The following WASHC3 variants were observed in gnomAD, a reference collection of about 807,000 sequenced individuals.
WASHC3 encodes WASH complex subunit 3.
Under a neutral mutation model 26.1 loss-of-function variants are expected in WASHC3, and 24 were observed. The observed-to-expected ratio is 0.92, with a 90% CI of 0.66 to 1.29. The LOEUF (loss-of-function observed/expected upper bound fraction) is 1.29. Among genes scored for constraint, WASHC3 ranks in the 50% most tolerant of loss-of-function variants. The probability of loss-of-function intolerance (pLI) is 0.00; values close to 1 mark genes in which losing one functional copy is unlikely to be tolerated. For synonymous variants in WASHC3, 77 were observed against 75.7 expected, an observed-to-expected ratio of 1.02 and a Z score of -0.09; for missense variants, 214 against 229.6, an observed-to-expected ratio of 0.93 and a Z score of 0.44.
chr12:102,029,394 C>A (rs2121363517), intron 5 of WASHC3, among the ~76,000 whole-genome samples: 1 of 152,276 alleles, frequency 6.6e-6, no homozygotes, highest in East Asian at 1.9e-4. Context: ...TCCAAAAAAT[C>A]ACGTCTGTAT....
At position 102,017,625 on chromosome 12, in the gene WASHC3, G is replaced by A. The variant is rs187617221; in HGVS notation, c.501-4433C>T. On this transcript the variant is annotated intron_variant, in intron 6 of 6. Coordinates refer to ENST00000240079, the MANE Select transcript of WASHC3 (RefSeq NM_016053.4). ...TGGGGTGCAACAGTAGATGAGATTA[G>A]AACATCTAGCAGGAGCAATAGGTGG... 3.3e-4 allele frequency: 101 copies of A among 306,838 alleles called. 1 individual carries two copies. In the Middle Eastern group the frequency reaches 7.2e-3, roughly 22 times the overall value. 19.0% of individuals were successfully genotyped at this position (306,838 alleles called of 1,614,324 possible).
At chr12:102,051,486 C>A (rs946088143) in intron 2 of WASHC3, among the ~76,000 whole-genome samples, 2 of 152,138 alleles carry the variant, frequency 1.3e-5, no homozygotes, top group Non-Finnish European at 2.9e-5. Context: ...CATAGCATAG[C>A]AAAGAAGTGA....
chr12:102,054,243 A>G (rs1264704922), intron 2 of WASHC3, among the ~76,000 whole-genome samples: 2 of 152,238 alleles, frequency 1.3e-5, no homozygotes, highest in Non-Finnish European at 2.9e-5. Flanking sequence ...ATCAATAATT[A>G]CCCTGAATGT....
At chr12:102,018,803 GAGAT>G (rs1412976975) in intron 6 of WASHC3, among the ~76,000 whole-genome samples, 3 of 151,868 alleles carry the variant, frequency 2.0e-5, no homozygotes, top group Non-Finnish European at 4.4e-5. Context: ...TATTTATTTA[GAGAT>G]GAAGTCTTAT....
chr12:102,057,394 T>A (rs1362933840), intron 2 of WASHC3, among the ~76,000 whole-genome samples: 1 of 152,004 alleles, frequency 6.6e-6, no homozygotes, highest in Non-Finnish European at 1.5e-5. Flanking sequence ...CTATTCAACA[T>A]AGTACTAGAA....
intron 4 of WASHC3, 32 bp from the exon 5 acceptor site, chr12:102,040,010 C>T (rs1458745463): frequency 9.5e-7 from 1 of 1,050,234 alleles, no homozygotes; most frequent in South Asian, 1.7e-5. Context: ...AATCTTTAGA[C>T]AATTTACAAA....
chr12:102,039,464 C>T (rs998885557), intron 5 of WASHC3, among the ~76,000 whole-genome samples: 1 of 152,014 alleles, frequency 6.6e-6, no homozygotes, highest in Non-Finnish European at 1.5e-5. Flanking sequence ...AAAAGCATTA[C>T]ACATGGCCAA....
At chr12:102,019,877 C>A (rs1176742212) in intron 6 of WASHC3, among the ~76,000 whole-genome samples, 2 of 152,112 alleles carry the variant, frequency 1.3e-5, no homozygotes, top group Admixed American at 1.3e-4. Context: ...CAAATCTGCC[C>A]TTTTTAGCAT....
intron 5 of WASHC3, among the ~76,000 whole-genome samples, chr12:102,038,440 T>C (rs1307245985): frequency 1.3e-5 from 2 of 152,210 alleles, no homozygotes; most frequent in African/African-American, 4.8e-5. Flanking sequence ...TTATTTTATA[T>C]AGGTTTGGCA....
intron 4 of WASHC3, among the ~76,000 whole-genome samples, chr12:102,042,811 ATTTG>A (rs1877996887): frequency 6.6e-6 from 1 of 152,116 alleles, no homozygotes; most frequent in Admixed American, 6.5e-5. Flanking sequence ...TGTTTGTTTT[ATTTG>A]TTTATTATTA....
At chr12:102,023,960 T>C (rs1162396476) in intron 6 of WASHC3, among the ~76,000 whole-genome samples, 1 of 152,068 alleles carries the variant, frequency 6.6e-6, no homozygotes, top group Non-Finnish European at 1.5e-5. Flanking sequence ...TCCTCCGTGG[T>C]AGTTACCTAT....
chr12:102,029,425 T>C (rs1056409254), intron 5 of WASHC3, among the ~76,000 whole-genome samples: 3 of 152,166 alleles, frequency 2.0e-5, no homozygotes, highest in Non-Finnish European at 4.4e-5. Flanking sequence ...GGAGAAAGTG[T>C]GTAAAGAAGC....
intron 5 of WASHC3, among the ~76,000 whole-genome samples, chr12:102,038,840 G>T (rs1877792840): frequency 6.6e-6 from 1 of 152,074 alleles, no homozygotes; most frequent in Non-Finnish European, 1.5e-5. Context: ...GTCAGAATTT[G>T]CTTTTAAATT....
rs2136700941 is a variant in WASHC3, at chr12:102,061,976, G to A, written c.-14C>T. On this transcript the variant is annotated 5_prime_UTR_variant, in exon 1 of 7. Transcript: ENST00000240079. ...GTCCTCATCCATCTCCTCAGCGGGC[G>A]GTGGACCCCGAGTTCACCCACAAAC... is the stretch of plus-strand genomic sequence containing the variant. 6.3e-7 allele frequency: 1 copy of A among 1,589,536 alleles called. No homozygotes were observed. Among genetic ancestry groups the A allele is most frequent in the Non-Finnish European group, 8.6e-7 (1 of 1,166,704 alleles).
intron 4 of WASHC3, 79 bp downstream of exon 4, chr12:102,044,025 AT>A (rs1878051448): frequency 3.5e-6 from 2 of 576,186 alleles, no homozygotes; most frequent in Non-Finnish European, 2.9e-6. Flanking sequence ...TTACATGTTT[AT>A]TTTTCTTCCT....
intron 6 of WASHC3, among the ~76,000 whole-genome samples, chr12:102,021,173 C>A (rs1052597993): frequency 6.6e-6 from 1 of 152,096 alleles, no homozygotes; most frequent in South Asian, 2.1e-4. Context: ...TTAATAAGAA[C>A]CTCTGGGTAA....
At chr12:102,022,603 C>A (rs1281013551) in intron 6 of WASHC3, among the ~76,000 whole-genome samples, 2 of 152,188 alleles carry the variant, frequency 1.3e-5, no homozygotes, top group African/African-American at 4.8e-5. Flanking sequence ...AGTAGACCAT[C>A]TCTAAAGCCG....
chr12:102,051,049 C>A (rs1878374820), intron 2 of WASHC3, among the ~76,000 whole-genome samples: 1 of 152,208 alleles, frequency 6.6e-6, no homozygotes, highest in African/African-American at 2.4e-5. Context: ...TTGAGTTCTT[C>A]ACAGAATGCA....
At chr12:102,013,689 A>C (rs1876578909) in intron 6 of WASHC3, among the ~76,000 whole-genome samples, 1 of 152,224 alleles carries the variant, frequency 6.6e-6, no homozygotes. Flanking sequence ...TTTGTAGCGA[A>C]GGAGAGTGCC....
Sources: gnomAD v4.1 joint callset for allele counts (sites outside exome capture counted in the v4.1 genomes callset) on GRCh38, gnomAD v4.1.1 for gene constraint, MANE v1.5 for transcripts, NCBI Gene and HGNC (gene_info 2026-07-23, HGNC 2026-07-21) for gene names.